The following NKAIN2 variants were observed in gnomAD, a reference collection of about 807,000 sequenced individuals.
NKAIN2 encodes sodium/potassium-transporting ATPase subunit beta-1-interacting protein 2.
A neutral mutation model predicts 32.6 loss-of-function variants in NKAIN2; 14 were observed. That is an observed-to-expected ratio of 0.43 (90% CI 0.28 to 0.67). The LOEUF (loss-of-function observed/expected upper bound fraction) is 0.67. NKAIN2 is among the 30% of genes least tolerant of loss of function. The pLI is 0.17. For missense variants in NKAIN2, 198 were observed against 258.3 expected (o/e 0.77, Z 1.60); for synonymous variants, 80 against 87.2 (o/e 0.92, Z 0.46).
chr6:124,244,180 G>A (rs554981078), intron 1 of NKAIN2, among the ~76,000 whole-genome samples: 11 of 150,534 alleles, frequency 7.3e-5, no homozygotes, highest in Admixed American at 1.3e-4. Flanking sequence ...ATGCTGGTGC[G>A]CTGCACCCAC....
At chr6:124,299,490 A>T (rs1362456209) in intron 2 of NKAIN2, among the ~76,000 whole-genome samples, 3 of 152,140 alleles carry the variant, frequency 2.0e-5, no homozygotes, top group African/African-American at 7.2e-5. Flanking sequence ...GAGTGGTATT[A>T]CCAAATGTAG....
At chr6:124,309,165 A>C (rs112653447) in intron 2 of NKAIN2, among the ~76,000 whole-genome samples, 62 of 152,138 alleles carry the variant, frequency 4.1e-4, no homozygotes, top group African/African-American at 1.4e-3. Flanking sequence ...AGTGCAGTGG[A>C]CAGGGAATTT....
intron 2 of NKAIN2, among the ~76,000 whole-genome samples, chr6:124,350,258 A>G (rs1798654606): frequency 6.6e-6 from 1 of 152,180 alleles, no homozygotes; most frequent in African/African-American, 2.4e-5. Context: ...ATACTCTTAA[A>G]TAACTATGCT....
chr6:124,627,083 A>T (rs1429860400), intron 3 of NKAIN2, among the ~76,000 whole-genome samples: 1 of 152,198 alleles, frequency 6.6e-6, no homozygotes, highest in African/African-American at 2.4e-5. Context: ...CAGCCTGGCC[A>T]TGATGGCAAA....
chr6:124,142,768 G>A (rs1787208133), intron 1 of NKAIN2, among the ~76,000 whole-genome samples: 1 of 152,096 alleles, frequency 6.6e-6, no homozygotes, highest in Non-Finnish European at 1.5e-5. Context: ...AGTTATAGCA[G>A]ATCTTATTTC....
intron 3 of NKAIN2, among the ~76,000 whole-genome samples, chr6:124,567,145 G>T (rs533617388): frequency 5.3e-5 from 8 of 152,130 alleles, no homozygotes; most frequent in African/African-American, 1.9e-4. Flanking sequence ...TTATTGTATC[G>T]TCTGGTTCTG....
At chr6:124,641,048 C>T (rs1477034552) in intron 3 of NKAIN2, among the ~76,000 whole-genome samples, 1 of 152,146 alleles carries the variant, frequency 6.6e-6, no homozygotes, top group Non-Finnish European at 1.5e-5. Flanking sequence ...TCGGGTTTAA[C>T]ATGTTCCTGT....
intron 1 of NKAIN2, among the ~76,000 whole-genome samples, chr6:124,233,453 T>C (rs530462208): frequency 1.8e-4 from 27 of 152,282 alleles, no homozygotes; most frequent in African/African-American, 6.3e-4. Flanking sequence ...GTGACAGTGA[T>C]GCTGCCAAAG....
intron 1 of NKAIN2, among the ~76,000 whole-genome samples, chr6:123,989,555 G>A (rs1325304347): frequency 6.6e-6 from 1 of 152,102 alleles, no homozygotes; most frequent in East Asian, 1.9e-4. Context: ...ATGGGAAAAA[G>A]CCATTTCATT....
chr6:123,904,697 A>G (rs896410013), intron 1 of NKAIN2, among the ~76,000 whole-genome samples: 2 of 152,210 alleles, frequency 1.3e-5, no homozygotes, highest in African/African-American at 2.4e-5. Flanking sequence ...AACCTGATAC[A>G]TACTTGTTTT....
At chr6:124,777,775 G>C (rs967573953) in intron 4 of NKAIN2, among the ~76,000 whole-genome samples, 8 of 152,008 alleles carry the variant, frequency 5.3e-5, no homozygotes, top group Non-Finnish European at 1.0e-4. Flanking sequence ...TTAGAGTGGA[G>C]GAAAGAGGTG....
intron 1 of NKAIN2, among the ~76,000 whole-genome samples, chr6:124,150,009 A>G (rs997267937): frequency 7.9e-5 from 12 of 152,144 alleles, no homozygotes; most frequent in African/African-American, 2.9e-4. Flanking sequence ...TTCCTGGTCA[A>G]TATAAGTAAA....
intron 3 of NKAIN2, among the ~76,000 whole-genome samples, chr6:124,601,654 G>C (rs1782312553): frequency 6.6e-6 from 1 of 151,946 alleles, no homozygotes; most frequent in Non-Finnish European, 1.5e-5. Context: ...TGTACCAGCA[G>C]GGCAAGACAT....
intron 1 of NKAIN2, among the ~76,000 whole-genome samples, chr6:123,896,385 A>T (rs951433794): frequency 1.3e-5 from 2 of 151,174 alleles, no homozygotes; most frequent in African/African-American, 2.5e-5. Context: ...CTCTCCCTTT[A>T]TATCACCAAC....
At chr6:124,356,692 T>G (rs1019969562) in intron 3 of NKAIN2, among the ~76,000 whole-genome samples, 1 of 152,182 alleles carries the variant, frequency 6.6e-6, no homozygotes, top group Non-Finnish European at 1.5e-5. Flanking sequence ...ACCAGATTGC[T>G]GCTTAAAACT....
At chr6:124,146,839 A>G (rs553176437) in intron 1 of NKAIN2, among the ~76,000 whole-genome samples, 3 of 152,316 alleles carry the variant, frequency 2.0e-5, no homozygotes, top group African/African-American at 7.2e-5. Flanking sequence ...TAAGTGAAAG[A>G]AAACTATTGA....
intron 1 of NKAIN2, among the ~76,000 whole-genome samples, chr6:123,910,838 T>G (rs1008309059): frequency 2.0e-5 from 3 of 151,978 alleles, no homozygotes; most frequent in Non-Finnish European, 4.4e-5. Flanking sequence ...TTTCACCTCA[T>G]CCTGAAGAAG....
At chr6:124,798,717 C>T (rs1416818254) in intron 5 of NKAIN2, among the ~76,000 whole-genome samples, 1 of 152,108 alleles carries the variant, frequency 6.6e-6, no homozygotes, top group Non-Finnish European at 1.5e-5. Context: ...TGATGGAAAC[C>T]TGCCTACTGC....
chr6:124,619,430 ATT>A (rs1434769608), intron 3 of NKAIN2, among the ~76,000 whole-genome samples: 3 of 152,150 alleles, frequency 2.0e-5, no homozygotes, highest in African/African-American at 7.2e-5. Context: ...ATAATAAAAT[ATT>A]TTATTTTAAC....
Sources: allele counts gnomAD v4.1 joint callset (sites outside exome capture counted in the v4.1 genomes callset), GRCh38; gene constraint gnomAD v4.1.1; transcripts MANE v1.5; gene names NCBI Gene and HGNC (gene_info 2026-07-23, HGNC 2026-07-21).